Variants in IARS1 observed in about 807,000 individuals in gnomAD.
The protein encoded by IARS1 is isoleucine--tRNA ligase, cytoplasmic.
Under a neutral mutation model 168.2 loss-of-function variants are expected in IARS1, and 124 were observed. That is an observed-to-expected ratio of 0.74 (90% CI 0.64 to 0.86). The LOEUF (loss-of-function observed/expected upper bound fraction) is 0.86, where lower values mean the gene tolerates loss of function less well. Among genes scored for constraint, IARS1 ranks in the 40% least tolerant of loss-of-function variants. IARS1 has a pLI of 0.00. For synonymous variants in IARS1, 532 were observed against 529.4 expected, an observed-to-expected ratio of 1.00 and a Z score of -0.07; for missense variants, 1,452 against 1,515.8, an observed-to-expected ratio of 0.96 and a Z score of 0.70.
At position 92,223,367 on chromosome 9, in the gene IARS1, GC is replaced by G. The variant is rs1292929443; in HGVS notation, c.3531del (p.Gln1177HisfsTer3). 4.3e-6 allele frequency: 7 copies of G among 1,613,308 alleles called. No individual in the cohort carries two copies. The highest frequency in any genetic ancestry group is 5.9e-6 in the Non-Finnish European group (7 of 1,179,454). Reference sequence around the variant, plus strand: ...ATACCTTGTGGCTTTGCATTCAGGAGCTGTAGGTTGATATACTGACAAAGAA... The same window carrying G: ...ATACCTTGTGGCTTTGCATTCAGGAGTGTAGGTTGATATACTGACAAAGAA... ...STLLCQYINL[Q>X]LLNAKPQECL... is the part of the protein sequence containing the mutation. On this transcript the variant is annotated frameshift_variant, in exon 32 of 34. Coordinates refer to ENST00000443024, the MANE Select transcript of IARS1 (RefSeq NM_002161.6). LOFTEE classifies it high-confidence loss of function.
intron 1 of IARS1, among the ~76,000 whole-genome samples, chr9:92,292,181 C>CTTTTTTTT (rs57075703): frequency 6.7e-4 from 79 of 117,996 alleles, no homozygotes; most frequent in African/African-American, 2.4e-3. Flanking sequence ...CCACACTCAG[C>CTTTTTTTT]TTTTTTTTTT....
rs79714834 is a variant in IARS1 at position 92,255,907 on chromosome 9, A to T, written c.2137+773T>A. On this transcript the variant is annotated intron_variant, in intron 20 of 33. Transcript: ENST00000443024. Reference sequence around the variant, plus strand: ...GAGATGTTTGCAACACAAAGATATGATAAATGCTTGAGGTGATGGATATCC... The same window carrying T: ...GAGATGTTTGCAACACAAAGATATGTTAAATGCTTGAGGTGATGGATATCC... Among the ~76,000 whole-genome samples, 738 of 152,308 alleles carry T rather than the reference A, an allele frequency of 4.8e-3. 6 individuals are homozygous for T. Among genetic ancestry groups the T allele is most frequent in the African/African-American group, 0.015 (643 of 41,568 alleles).
intron 4 of IARS1, among the ~76,000 whole-genome samples, chr9:92,287,182 A>T (rs1448089629): frequency 6.6e-6 from 1 of 152,238 alleles, no homozygotes; most frequent in African/African-American, 2.4e-5. Context: ...TAAATCAGGA[A>T]ACCTCACACA....
At chr9:92,279,862 C>T (rs1053067911) in intron 7 of IARS1, among the ~76,000 whole-genome samples, 3 of 152,184 alleles carry the variant, frequency 2.0e-5, no homozygotes, top group Non-Finnish European at 4.4e-5. Context: ...GTTCACTTCT[C>T]GATACCTCAT....
At chr9:92,273,215 T>C (rs1228348846) in intron 10 of IARS1, among the ~76,000 whole-genome samples, 2 of 151,542 alleles carry the variant, frequency 1.3e-5, no homozygotes, top group Non-Finnish European at 1.5e-5. Flanking sequence ...GGGGTAACCA[T>C]ACCAGTTAAT....
At chr9:92,257,773 T>C (rs1830932449) in intron 19 of IARS1, among the ~76,000 whole-genome samples, 1 of 152,204 alleles carries the variant, frequency 6.6e-6, no homozygotes, top group Non-Finnish European at 1.5e-5. Context: ...AGGAATAATA[T>C]CTCATTTTCA....
intron 30 of IARS1, among the ~76,000 whole-genome samples, chr9:92,231,219 G>A (rs1231902838): frequency 6.6e-6 from 1 of 152,120 alleles, no homozygotes; most frequent in Admixed American, 6.5e-5. Context: ...GGCCACCTAA[G>A]TAAGTAACCT....
At chr9:92,229,222 CTAATA>C in intron 30 of IARS1, 96 bp from the exon 31 acceptor site, 1 of 1,306,140 alleles carries the variant, frequency 7.7e-7, no homozygotes, top group Non-Finnish European at 1.1e-6. Flanking sequence ...GGTTCAAGCC[CTAATA>C]TTTTTCCTTT....
At chr9:92,264,334 C>CT (rs1211445791) in intron 16 of IARS1, among the ~76,000 whole-genome samples, 33 of 144,178 alleles carry the variant, frequency 2.3e-4, no homozygotes, top group African/African-American at 7.8e-4. Flanking sequence ...AAGATTCTGT[C>CT]TCAAAAAAAA....
At chr9:92,268,616 T>C (rs1332338808) in intron 13 of IARS1, among the ~76,000 whole-genome samples, 2 of 151,854 alleles carry the variant, frequency 1.3e-5, no homozygotes, top group African/African-American at 2.4e-5. Flanking sequence ...CATACAACTC[T>C]AGTCTTCACA....
chr9:92,259,047 C>A (rs755638447), intron 18 of IARS1, 49 bp from the exon 19 acceptor site: 1 of 1,475,470 alleles, frequency 6.8e-7, no homozygotes, highest in Admixed American at 2.2e-5. Context: ...GACAGTAAAC[C>A]AATTATTACT....
chr9:92,255,350 G>C (rs894256483), intron 20 of IARS1, among the ~76,000 whole-genome samples: 1 of 152,212 alleles, frequency 6.6e-6, no homozygotes, highest in Admixed American at 6.5e-5. Context: ...AGCCCTGTGA[G>C]GGTGGATTTG....
At chr9:92,276,842 G>C (rs1833848338) in intron 9 of IARS1, among the ~76,000 whole-genome samples, 1 of 152,166 alleles carries the variant, frequency 6.6e-6, no homozygotes, top group Admixed American at 6.5e-5. Context: ...GGGGACAGCA[G>C]GGTTTGCAAC....
chr9:92,274,231 T>C (rs933298275), intron 10 of IARS1, among the ~76,000 whole-genome samples, 195 bp downstream of exon 10: 4 of 151,944 alleles, frequency 2.6e-5, no homozygotes, highest in African/African-American at 9.7e-5. Flanking sequence ...GTTTACTGGA[T>C]TTGGCCCACT....
intron 19 of IARS1, among the ~76,000 whole-genome samples, chr9:92,258,636 C>T (rs927983222): frequency 3.3e-5 from 5 of 152,188 alleles, no homozygotes; most frequent in African/African-American, 9.7e-5. Context: ...TATGACATAA[C>T]TCTTTTGCAG....
At chr9:92,264,522 G>A (rs1832003623) in intron 16 of IARS1, among the ~76,000 whole-genome samples, 1 of 151,916 alleles carries the variant, frequency 6.6e-6, no homozygotes, top group African/African-American at 2.4e-5. Flanking sequence ...TGATTTATAA[G>A]GCTAGCCTCA....
chr9:92,240,993 T>C (rs753251179), intron 29 of IARS1, 32 bp from the exon 30 acceptor site: 20 of 1,303,394 alleles, frequency 1.5e-5, no homozygotes, highest in Middle Eastern at 3.6e-4. Context: ...ACTGAGTAAC[T>C]GTGGCACCTG....
intron 4 of IARS1, chr9:92,287,557 AT>A: frequency 5.6e-6 from 2 of 355,552 alleles, no homozygotes; most frequent in Non-Finnish European, 5.0e-6. Context: ...ACTTATTAGA[AT>A]TTTTCCCTAT....
intron 30 of IARS1, among the ~76,000 whole-genome samples, chr9:92,236,168 G>C (rs1157549675): frequency 6.6e-6 from 1 of 151,892 alleles, no homozygotes; most frequent in Non-Finnish European, 1.5e-5. Flanking sequence ...ATTTTTAGTA[G>C]AGATGGTGTT....
Sources: gnomAD v4.1 joint callset for allele counts (sites outside exome capture counted in the v4.1 genomes callset) on GRCh38, gnomAD v4.1.1 for gene constraint, MANE v1.5 for transcripts, NCBI Gene and HGNC (gene_info 2026-07-23, HGNC 2026-07-21) for gene names.